RNF144B: variants seen among roughly 807,000 people sequenced by gnomAD.
The protein encoded by RNF144B is ring finger protein 144B.
Under a neutral mutation model 40.2 loss-of-function variants are expected in RNF144B, and 25 were observed. The observed-to-expected ratio is 0.62, with a 90% CI of 0.45 to 0.87. RNF144B has a LOEUF of 0.87. RNF144B is among the 40% of genes least tolerant of loss of function. The pLI, the probability that RNF144B is intolerant of heterozygous loss-of-function variation, is 0.00. For missense variants in RNF144B, 365 were observed against 373.7 expected (o/e 0.98, Z 0.19); for synonymous variants, 145 against 136.3 (o/e 1.06, Z -0.44).
Position 18,466,416 on chromosome 6 carries a change from G to C in RNF144B, c.*1349G>C, listed in dbSNP as rs1015195628. The C allele has an allele frequency of 2.0e-5, 3 of 151,882 alleles. No individual in the cohort carries two copies. Among genetic ancestry groups the C allele is most frequent in the Non-Finnish European group, 2.9e-5 (2 of 68,014 alleles). 9.4% of individuals were successfully genotyped at this position (151,882 alleles called of 1,614,324 possible). Reference sequence around the variant, plus strand: ...ACTGATAAAACCGCAACAAAAACATGTAAGAAATAAAATAGAAATGCTTTA... The same window carrying C: ...ACTGATAAAACCGCAACAAAAACATCTAAGAAATAAAATAGAAATGCTTTA... On this transcript the variant is annotated 3_prime_UTR_variant, in exon 8 of 8. Transcript: ENST00000259939.
At chr6:18,453,602 C>T (rs1019314540) in intron 4 of RNF144B, among the ~76,000 whole-genome samples, 3 of 152,134 alleles carry the variant, frequency 2.0e-5, no homozygotes, top group Admixed American at 6.5e-5. Flanking sequence ...CATGGCATAG[C>T]ATGTTAACTT....
At chr6:18,396,486 C>T in intron 1 of RNF144B, 2 of 984,046 alleles carry the variant, frequency 2.0e-6, no homozygotes, top group South Asian at 9.4e-5. Flanking sequence ...CTTGCTAGGT[C>T]AGAACAACAG....
At position 18,459,281 on chromosome 6, in the gene RNF144B, A is replaced by C. The variant is rs962409981; in HGVS notation, c.537-326A>C. Among the ~76,000 whole-genome samples the C allele has an allele frequency of 2.0e-5, 3 of 152,142 alleles. No individual in the cohort carries two copies. The highest frequency in any genetic ancestry group is 7.2e-5 in the African/African-American group (3 of 41,426). ...TTATATACGCCCAGTTTGGACCCTG[A>C]CCTAGTTTCTCTGCTGTGTAGCCAA... is the stretch of plus-strand genomic sequence containing the variant. On this transcript the variant is annotated intron_variant, in intron 5 of 7. Transcript: ENST00000259939. The surrounding 1 kb of genome is among the most constrained non-coding windows in gnomAD (Gnocchi z 4.2).
At chr6:18,438,753 T>C (rs1269971713) in intron 3 of RNF144B, among the ~76,000 whole-genome samples, 3 of 152,106 alleles carry the variant, frequency 2.0e-5, no homozygotes, top group Admixed American at 1.3e-4. Context: ...AAAAAGGTGA[T>C]AGTTTAGAGT....
Position 18,387,632 on chromosome 6 carries a change from T to C in RNF144B, c.-37+2T>C, listed in dbSNP as rs545489805. On this transcript the variant is annotated splice_donor_variant, in intron 1 of 7. Transcript: ENST00000259939. LOFTEE classifies it low-confidence loss of function (5UTR_SPLICE). ...GGAGGAACGCAGGTCTGCTGCCAGG[T>C]AGGTTTAGCGAGCTTTTTAAAGGCT... 2.3e-6 allele frequency: 3 copies of C among 1,300,402 alleles called. No individual in the cohort carries two copies. The highest frequency in any genetic ancestry group is 5.3e-5 in the East Asian group (1 of 18,930). The allele number at this position is 1,300,402 out of a possible 1,614,324, so 80.6% of individuals were successfully genotyped here.
Position 18,410,970 on chromosome 6 carries a change from T to TC in RNF144B, c.165+11272dup, listed in dbSNP as rs1795019276. Among the ~76,000 whole-genome samples the TC allele has an allele frequency of 6.8e-6, 1 of 147,338 alleles. No homozygotes were observed. The highest frequency in any genetic ancestry group is 1.5e-5 in the Non-Finnish European group (1 of 67,246). On this transcript the variant is annotated intron_variant, in intron 2 of 7. Transcript: ENST00000259939. This position sits in a 1 kb window ranked among gnomAD's most constrained non-coding sequence, Gnocchi z 4.6. ...ATTTGGGATACTGTCAGCTTTCTTT[T>TC]CTTTTTTTTTCTTCTTTTCTTTTCT...
intron 3 of RNF144B, among the ~76,000 whole-genome samples, chr6:18,436,284 T>G (rs1758822899): frequency 6.6e-6 from 1 of 152,308 alleles, no homozygotes; most frequent in African/African-American, 2.4e-5. Context: ...ATTGAAGAAC[T>G]GTCCCAGATT....
At position 18,427,595 on chromosome 6, in the gene RNF144B, C is replaced by T; in HGVS notation, c.180C>T (p.Tyr60=). Residue 60 remains tyrosine (Y), a synonymous_variant, in exon 3 of 8, where the codon TAC becomes TAT. Coordinates refer to ENST00000259939, the MANE Select transcript of RNF144B (RefSeq NM_182757.4). ...TTAACTTCCAGTGCCTGAAACAGTA[C>T]ATGCAGCTGGCAATCCGAGAAGGAT... ...CIFCTACLKQ[Y]MQLAIREGCG... 1 of 1,613,236 alleles carries T rather than the reference C, an allele frequency of 6.2e-7. No homozygotes were observed. Among genetic ancestry groups the T allele is most frequent in the Non-Finnish European group, 8.5e-7 (1 of 1,179,386 alleles).
At position 18,456,350 on chromosome 6, in the gene RNF144B, T is replaced by G. The variant is rs183041715; in HGVS notation, c.332-805T>G. ...ACTGTTTAATCCCTAAACTATTTGA[T>G]TATTTTCTTCCTTGTTCTTTAATTT... On this transcript the variant is annotated intron_variant, in intron 4 of 7. Coordinates refer to ENST00000259939, the MANE Select transcript of RNF144B (RefSeq NM_182757.4). The surrounding 1 kb of genome is among the most constrained non-coding windows in gnomAD (Gnocchi z 4.7). Among the ~76,000 whole-genome samples, 85 of 152,370 alleles carry G rather than the reference T, an allele frequency of 5.6e-4. No homozygotes were observed. The highest frequency in any genetic ancestry group is 2.0e-3 in the African/African-American group (82 of 41,594).
At chr6:18,401,144 G>C (rs376363157) in intron 2 of RNF144B, among the ~76,000 whole-genome samples, 71 of 150,330 alleles carry the variant, frequency 4.7e-4, no homozygotes, top group African/African-American at 1.6e-3. Context: ...CTGTTTAAAA[G>C]AATTCAATTT....
In RNF144B at chr6:18,465,275, G is replaced by A. The variant is rs1203802578; in HGVS notation, c.*208G>A. On this transcript the variant is annotated 3_prime_UTR_variant, in exon 8 of 8. Transcript: ENST00000259939. The stretch of plus-strand genomic sequence containing the variant: ...CTGTGTAACAAGAACTGGGCTCAAC[G>A]GTCCAGCTGTTTCTATGGAGCTTTG... The A allele has an allele frequency of 7.0e-6, 4 of 574,862 alleles. No homozygotes were observed. Among genetic ancestry groups the A allele is most frequent in the South Asian group, 2.3e-5 (1 of 43,068 alleles). The allele number at this position is 574,862 out of a possible 1,614,324, so 35.6% of individuals were successfully genotyped here.
chr6:18,425,694 G>C lies in RNF144B; in HGVS notation c.166-1887G>C, dbSNP rs1758533835. On this transcript the variant is annotated intron_variant, in intron 2 of 7. Transcript: ENST00000259939. The surrounding 1 kb of genome is among the most constrained non-coding windows in gnomAD (Gnocchi z 4.2). ...AGAGGAGTGACTGCAGAGGATCCCT[G>C]TTCCCAGATACCTTTTATTCCTGAA... Among the ~76,000 whole-genome samples, 1 of 152,156 alleles carries C rather than the reference G, an allele frequency of 6.6e-6. No homozygotes were observed. The highest frequency in any genetic ancestry group is 1.5e-5 in the Non-Finnish European group (1 of 68,034).
chr6:18,431,572 A>C (rs17684017), intron 3 of RNF144B, among the ~76,000 whole-genome samples: 19,004 of 152,258 alleles, frequency 0.12, 1,362 homozygotes, highest in Admixed American at 0.19. Context: ...GTTCTATCTC[A>C]ATGACTACTA....
rs1218965782 is a variant in RNF144B, at chr6:18,406,217, A to G, written c.165+6518A>G. On this transcript the variant is annotated intron_variant, in intron 2 of 7. Transcript: ENST00000259939. The surrounding 1 kb of genome is among the most constrained non-coding windows in gnomAD (Gnocchi z 4.2). ...TCAGGTGATGGTTTGTGCTATGGAA[A>G]AATAGGGTGAGGGGGGTCAGGAGTG... is the stretch of plus-strand genomic sequence containing the variant. The G allele has an allele frequency of 1.2e-5, 6 of 512,800 alleles. No individual in the cohort carries two copies. Among genetic ancestry groups the G allele is most frequent in the African/African-American group, 1.2e-4 (6 of 51,876 alleles). The allele number at this position is 512,800 out of a possible 1,614,324, so 31.8% of individuals were successfully genotyped here. A position where few individuals can be genotyped will look rare whatever the true frequency, so the allele number is the denominator to read the frequency against.
intron 3 of RNF144B, among the ~76,000 whole-genome samples, chr6:18,429,046 A>G (rs751941641): frequency 1.3e-5 from 2 of 152,122 alleles, no homozygotes; most frequent in Non-Finnish European, 2.9e-5. Context: ...AAAAATTAGA[A>G]AATTAGCCAG....
chr6:18,457,224 C>T lies in RNF144B; in HGVS notation c.401C>T (p.Ser134Leu), dbSNP rs374672589. Residue 134 changes from serine (S) to leucine (L), a missense_variant, in exon 5 of 8, where the codon TCG becomes TTG. Ser to Leu is a moderately radical substitution (Grantham distance 145). Coordinates refer to ENST00000259939, the MANE Select transcript of RNF144B (RefSeq NM_182757.4). This position sits in a 1 kb window ranked among gnomAD's most constrained non-coding sequence, Gnocchi z 5.1. ...TGTCAGACAGTGTGCCCTGTTGCCT[C>T]GAGTGACCCAGGACAGCCTGTGCTG... is the stretch of plus-strand genomic sequence containing the variant. The part of the protein sequence containing the change: ...ADCQTVCPVA[S>L]SDPGQPVLVE... The T allele has an allele frequency of 1.2e-5, 19 of 1,613,954 alleles. No individual in the cohort carries two copies. The highest frequency in any genetic ancestry group is 5.5e-5 in the South Asian group (5 of 91,080).
intron 6 of RNF144B, among the ~76,000 whole-genome samples, chr6:18,462,231 T>C (rs1464446952): frequency 1.3e-5 from 2 of 152,194 alleles, no homozygotes; most frequent in East Asian, 3.9e-4. Context: ...AATACTGCAA[T>C]GTGTTCGGAT....
intron 7 of RNF144B, among the ~76,000 whole-genome samples, 170 bp downstream of exon 7, chr6:18,463,550 A>C (rs1316897517): frequency 6.6e-6 from 1 of 152,172 alleles, no homozygotes; most frequent in Non-Finnish European, 1.5e-5. Context: ...AAATACCTAA[A>C]GTTAATTCAT....
chr6:18,399,967 G>T (rs1171004542), intron 2 of RNF144B, among the ~76,000 whole-genome samples: 1 of 152,070 alleles, frequency 6.6e-6, no homozygotes, highest in East Asian at 1.9e-4. Flanking sequence ...CTATGGAACA[G>T]AATAGAAAAA....
Sources: allele counts gnomAD v4.1 joint callset (sites outside exome capture counted in the v4.1 genomes callset), GRCh38; gene constraint gnomAD v4.1.1; non-coding constraint Gnocchi (gnomAD v3.1); transcripts MANE v1.5; gene names NCBI Gene and HGNC (gene_info 2026-07-23, HGNC 2026-07-21).